NTM: variants seen among roughly 807,000 people sequenced by gnomAD.
NTM encodes the protein neurotrimin.
A neutral mutation model predicts 42.1 loss-of-function variants in NTM; 13 were observed. That is an observed-to-expected ratio of 0.31 (90% CI 0.20 to 0.49). NTM has a LOEUF of 0.49. NTM is among the 20% of genes least tolerant of loss of function. NTM has a pLI of 0.99. For synonymous variants in NTM, 187 were observed against 179.2 expected (o/e 1.04, Z -0.35); for missense variants, 373 against 452.8 (o/e 0.82, Z 1.60).
chr11:131,868,759 C>T (rs774942077), intron 1 of NTM, among the ~76,000 whole-genome samples: 3 of 152,200 alleles, frequency 2.0e-5, no homozygotes, highest in Non-Finnish European at 4.4e-5. Context: ...GCTACCTTCC[C>T]TATAAGGCTG....
At chr11:131,923,679 G>T (rs2057539218) in intron 2 of NTM, among the ~76,000 whole-genome samples, 1 of 152,206 alleles carries the variant, frequency 6.6e-6, no homozygotes, top group African/African-American at 2.4e-5. Flanking sequence ...TACAAACTTT[G>T]GGGGAAGGGA....
intron 2 of NTM, among the ~76,000 whole-genome samples, chr11:132,132,851 G>A (rs560923964): frequency 1.8e-4 from 27 of 152,272 alleles, no homozygotes; most frequent in Middle Eastern, 3.4e-3. Context: ...ATATGAACAA[G>A]CAAGCTGAGG....
At chr11:132,302,639 T>TGAGAGCCA (rs1213956955) in intron 4 of NTM, among the ~76,000 whole-genome samples, 1 of 152,190 alleles carries the variant, frequency 6.6e-6, no homozygotes, top group African/African-American at 2.4e-5. Context: ...CTAGCTGTCT[T>TGAGAGCCA]GAGAGCCAGA....
intron 1 of NTM, among the ~76,000 whole-genome samples, chr11:131,805,215 T>C (rs1246562502): frequency 6.6e-6 from 1 of 152,186 alleles, no homozygotes; most frequent in African/African-American, 2.4e-5. Context: ...CAGCCTCACC[T>C]TCCAACCTGA....
intron 1 of NTM, among the ~76,000 whole-genome samples, chr11:131,719,000 C>T (rs1380817964): frequency 6.6e-6 from 1 of 152,150 alleles, no homozygotes; most frequent in East Asian, 1.9e-4. Context: ...GCCTCAGCCT[C>T]CCAGGTTCAG....
rs887135388 is a variant in NTM at position 131,548,438 on chromosome 11, C to CT, written c.82+177558dup. On this transcript the variant is annotated intron_variant, in intron 1 of 8. Transcript: ENST00000683400. ...GAAAGGAGGGGTGAAGCCTGATCAT[C>CT]TTTTTTTTATATTCAGAGTTCTTTC... 9.9e-5 allele frequency among the ~76,000 whole-genome samples: 15 copies of CT among 151,978 alleles called. 1 individual carries two copies. The South Asian group carries it at 1.2e-3, about 13-fold the overall frequency.
chr11:131,371,163 C>A, intron 1 of NTM: 1 of 906,980 alleles, frequency 1.1e-6, no homozygotes, highest in Non-Finnish European at 1.3e-6. Context: ...GGCTCCCTGG[C>A]TTCATGCACA....
chr11:132,166,449 T>C (rs2075293722), intron 3 of NTM, among the ~76,000 whole-genome samples: 1 of 152,098 alleles, frequency 6.6e-6, no homozygotes, highest in East Asian at 1.9e-4. Flanking sequence ...GCAGACAAAA[T>C]GTTTGTCAAA....
chr11:131,669,985 C>T (rs909561809), intron 1 of NTM, among the ~76,000 whole-genome samples: 1 of 152,020 alleles, frequency 6.6e-6, no homozygotes, highest in Non-Finnish European at 1.5e-5. Flanking sequence ...AGGTGGCGTC[C>T]GATTGAAGCG....
At chr11:132,123,274 G>T (rs563268162) in intron 2 of NTM, among the ~76,000 whole-genome samples, 25 of 152,334 alleles carry the variant, frequency 1.6e-4, no homozygotes, top group Admixed American at 5.9e-4. Flanking sequence ...GGACTGGAAA[G>T]GCACAGGGGG....
chr11:131,867,035 C>T (rs1205752758), intron 1 of NTM, among the ~76,000 whole-genome samples: 3 of 152,136 alleles, frequency 2.0e-5, no homozygotes, highest in South Asian at 2.1e-4. Flanking sequence ...TTCTGGGCCT[C>T]TTGGACTAGG....
chr11:131,905,645 C>G (rs756300534), intron 1 of NTM, among the ~76,000 whole-genome samples: 2 of 151,934 alleles, frequency 1.3e-5, no homozygotes, highest in African/African-American at 2.4e-5. Context: ...TTTTTTCTCA[C>G]AGCATTCATC....
chr11:132,141,242 TCTCTCTCTCC>T (rs1437704315), intron 2 of NTM, among the ~76,000 whole-genome samples: 3 of 152,016 alleles, frequency 2.0e-5, no homozygotes, highest in Non-Finnish European at 4.4e-5. Context: ...TTTCTGTCTC[TCTCTCTCTCC>T]CTCTCTCTCC....
chr11:131,899,803 G>A (rs2052859828), intron 1 of NTM, among the ~76,000 whole-genome samples: 1 of 152,034 alleles, frequency 6.6e-6, no homozygotes, highest in African/African-American at 2.4e-5. Context: ...TTTAGCTAGA[G>A]TTTGGTCATT....
chr11:131,881,334 G>A (rs1276034433), intron 1 of NTM, among the ~76,000 whole-genome samples: 1 of 152,160 alleles, frequency 6.6e-6, no homozygotes, highest in Non-Finnish European at 1.5e-5. Flanking sequence ...AGTAGTGAAA[G>A]GTACATGGAT....
intron 3 of NTM, among the ~76,000 whole-genome samples, chr11:132,195,763 T>C (rs1409584595): frequency 6.6e-6 from 1 of 152,204 alleles, no homozygotes; most frequent in Admixed American, 6.5e-5. Context: ...ATGCAGAAGA[T>C]TGAAACTGGC....
intron 1 of NTM, among the ~76,000 whole-genome samples, chr11:131,826,616 A>T (rs556971301): frequency 6.6e-6 from 1 of 151,582 alleles, no homozygotes; most frequent in African/African-American, 2.4e-5. Context: ...GGAAGGTGAA[A>T]AAAGAATGGA....
intron 2 of NTM, among the ~76,000 whole-genome samples, chr11:131,979,382 G>A (rs538443216): frequency 3.3e-5 from 5 of 152,306 alleles, no homozygotes; most frequent in Admixed American, 1.3e-4. Flanking sequence ...TTAACAATTG[G>A]CGTAGTAATT....
At chr11:131,596,334 A>C (rs895814246) in intron 1 of NTM, among the ~76,000 whole-genome samples, 1 of 152,202 alleles carries the variant, frequency 6.6e-6, no homozygotes, top group African/African-American at 2.4e-5. Flanking sequence ...GAGACAGTGA[A>C]TATTTTAGGC....
Sources: gnomAD v4.1 joint callset for allele counts (sites outside exome capture counted in the v4.1 genomes callset) on GRCh38, gnomAD v4.1.1 for gene constraint, MANE v1.5 for transcripts, NCBI Gene and HGNC (gene_info 2026-07-23, HGNC 2026-07-21) for gene names.